Variants in MAP1A observed in about 807,000 individuals in gnomAD.
The protein encoded by MAP1A is microtubule associated protein 1A.
MAP1A carries 42 observed loss-of-function variants against 185.9 expected under a neutral mutation model. The ratio of observed to expected loss-of-function variants is 0.23; its 90% CI spans 0.18 to 0.29. The LOEUF is 0.29. MAP1A is among the 10% of genes least tolerant of loss of function. The pLI is 1.00. For missense variants in MAP1A, 2,995 were observed against 3,450.4 expected (o/e 0.87, Z 3.31); for synonymous variants, 1,229 against 1,335.9 (o/e 0.92, Z 1.74).
rs770880577 is a variant in MAP1A, at chr15:43,528,823, A to C, written c.7350A>C (p.Pro2450=). 6.8e-6 allele frequency: 11 copies of C among 1,613,344 alleles called. No individual in the cohort carries two copies. The East Asian group carries it at 2.2e-4, about 33-fold the overall frequency. ...EPRPHRGELS[P]SFLNPPLPPS... ...GGCCCCATCGTGGGGAGCTCTCCCC[A>C]TCCTTCCTGAACCCACCTCTGCCCC... The change falls in exon 4 of 6, where the codon CCA becomes CCC. Residue 2450 remains proline, a synonymous_variant. Coordinates refer to ENST00000300231, the MANE Select transcript of MAP1A (RefSeq NM_002373.6).
Position 43,525,512 on chromosome 15 carries a change from C to T in MAP1A, c.4039C>T (p.Pro1347Ser), listed in dbSNP as rs2079339218. 1.2e-6 allele frequency: 2 copies of T among 1,614,040 alleles called. No homozygotes were observed. The highest frequency in any genetic ancestry group is 8.5e-7 in the Non-Finnish European group (1 of 1,180,034). The change falls in exon 4 of 6, where the codon CCA (proline) becomes TCA (serine). Residue 1347 changes from proline (P) to serine (S), a missense_variant. By Grantham distance (74) the Pro-to-Ser change is moderately conservative. This residue lies in a region of MAP1A where 2,728 missense variants were observed against 2,986.0 expected (regional missense o/e 0.91). Coordinates refer to ENST00000300231, the MANE Select transcript of MAP1A (RefSeq NM_002373.6). ...TGCCATAAAGTGGGAAGATAAAGTT[C>T]CAGGGTTGAAAGACAGAACCTCAGA... is the stretch of plus-strand genomic sequence containing the variant. ...DIAIKWEDKV[P>S]GLKDRTSEQK...
Position 43,529,270 on chromosome 15 carries a change from A to G in MAP1A, c.7797A>G (p.Glu2599=). Residue 2599 remains glutamate, a synonymous_variant, in exon 4 of 6, where the codon GAA becomes GAG. Coordinates refer to ENST00000300231, the MANE Select transcript of MAP1A (RefSeq NM_002373.6). This position sits in a 1 kb window ranked among gnomAD's most constrained non-coding sequence, Gnocchi z 4.3. ...GAGTAGAGAGGCTACGGGAGAAGGA[A>G]AAGGTTCAGGGGCGAGTAGGGCGCA... ...SGRVERLREK[E]KVQGRVGRRA... is the part of the protein sequence containing the mutation. 5 of 1,613,760 alleles carry G rather than the reference A, an allele frequency of 3.1e-6. No individual in the cohort carries two copies. In the South Asian group the frequency reaches 5.5e-5, roughly 18 times the overall value.
Position 43,527,288 on chromosome 15 carries a change from A to G in MAP1A, c.5815A>G (p.Lys1939Glu). The change falls in exon 4 of 6, where the codon AAA (lysine) becomes GAA (glutamate). Residue 1939 changes from lysine (K) to glutamate (E), a missense_variant. By Grantham distance (56) the Lys-to-Glu change is moderately conservative. This residue lies in a region of MAP1A where 2,728 missense variants were observed against 2,986.0 expected (regional missense o/e 0.91). Coordinates refer to ENST00000300231, the MANE Select transcript of MAP1A (RefSeq NM_002373.6). Reference sequence around the variant, plus strand: ...CAGCTCAAAGGTACCAGAGGCCAGCAAAAGCCATGCCACCACGGAGCCTGA... The same window carrying G: ...CAGCTCAAAGGTACCAGAGGCCAGCGAAAGCCATGCCACCACGGAGCCTGA... ...SHSSKVPEAS[K>E]SHATTEPEQT... is the part of the protein sequence containing the mutation. The G allele has an allele frequency of 1.2e-6, 2 of 1,614,204 alleles. No individual in the cohort carries two copies. The highest frequency in any genetic ancestry group is 1.7e-6 in the Non-Finnish European group (2 of 1,180,014).
In MAP1A at chr15:43,527,739, G is replaced by A; in HGVS notation, c.6266G>A (p.Arg2089Lys). 6.2e-7 allele frequency: 1 copy of A among 1,613,270 alleles called. No individual in the cohort carries two copies. ...GNILSCSPDR[R>K]SPSPKESGRS... Reference sequence around the variant, plus strand: ...ATCCTGAGCTGCAGCCCAGATAGGAGGTCCCCATCCCCCAAGGAATCAGGC... The same window carrying A: ...ATCCTGAGCTGCAGCCCAGATAGGAAGTCCCCATCCCCCAAGGAATCAGGC... The change falls in exon 4 of 6, where the codon AGG (arginine) becomes AAG (lysine). Residue 2089 changes from arginine to lysine, a missense_variant. Around this residue, in one of 3 missense-constraint regions of MAP1A, gnomAD observed 2,728 missense variants for 2,986.0 expected, o/e 0.91. Transcript: ENST00000300231.
intron 1 of MAP1A, among the ~76,000 whole-genome samples, chr15:43,519,884 G>A (rs561190926): frequency 6.6e-6 from 1 of 152,316 alleles, no homozygotes; most frequent in South Asian, 2.1e-4. Context: ...TAGGTTGTGG[G>A]GTAGTGAATC....
At position 43,529,456 on chromosome 15, in the gene MAP1A, T is replaced by A; in HGVS notation, c.7983T>A (p.Asp2661Glu). ...AGGTCACCCCAGCAGAGGAAAAGGA[T>A]GGACACAGCCCCATGTCCAAAGGCC... is the stretch of plus-strand genomic sequence containing the variant. ...TSQVTPAEEKDGHSPMSKGLV... is the reference protein window; with the variant it reads ...TSQVTPAEEKEGHSPMSKGLV... Residue 2661 changes from aspartate to glutamate, a missense_variant, in exon 4 of 6, where the codon GAT becomes GAA. Transcript: ENST00000300231. This position sits in a 1 kb window ranked among gnomAD's most constrained non-coding sequence, Gnocchi z 4.3. 6.2e-7 allele frequency: 1 copy of A among 1,613,338 alleles called. No homozygotes were observed. The highest frequency in any genetic ancestry group is 8.5e-7 in the Non-Finnish European group (1 of 1,179,602).
In MAP1A at chr15:43,525,515, G is replaced by C. The variant is rs747199619; in HGVS notation, c.4042G>C (p.Gly1348Arg). The part of the protein sequence containing the change: ...IAIKWEDKVP[G>R]LKDRTSEQKK... ...CATAAAGTGGGAAGATAAAGTTCCA[G>C]GGTTGAAAGACAGAACCTCAGAACA... Residue 1348 changes from glycine to arginine, a missense_variant, in exon 4 of 6, where the codon GGG becomes CGG. Physicochemically the swap from Gly to Arg is moderately radical, Grantham distance 125. This residue lies in a region of MAP1A where 2,728 missense variants were observed against 2,986.0 expected (regional missense o/e 0.91). Transcript: ENST00000300231. The C allele has an allele frequency of 6.2e-7, 1 of 1,614,224 alleles. No homozygotes were observed. The highest frequency in any genetic ancestry group is 1.3e-5 in the African/African-American group (1 of 75,046).
chr15:43,521,752 C>A lies in MAP1A; in HGVS notation c.279C>A (p.Asp93Glu). The A allele has an allele frequency of 6.2e-7, 1 of 1,614,234 alleles. No individual in the cohort carries two copies. The highest frequency in any genetic ancestry group is 8.5e-7 in the Non-Finnish European group (1 of 1,180,042). ...DSVLLTHIGADNLPGINGLLQ... is the reference protein window; with the variant it reads ...DSVLLTHIGAENLPGINGLLQ... ...TGCTACTCACACACATTGGGGCAGA[C>A]AACCTGCCAGGCATCAATGGACTAC... Residue 93 changes from aspartate to glutamate, a missense_variant, in exon 4 of 6, where the codon GAC (aspartate) becomes GAA (glutamate). Asp to Glu is a conservative substitution (Grantham distance 45). Around this residue, in one of 3 missense-constraint regions of MAP1A, gnomAD observed 264 missense variants for 435.3 expected, o/e 0.61. Transcript: ENST00000300231. The surrounding 1 kb of genome is among the most constrained non-coding windows in gnomAD (Gnocchi z 4.6).
exon 1 of MAP1A, chr15:43,511,198 G>A: frequency 6.4e-7 from 1 of 1,550,564 alleles, no homozygotes; most frequent in Non-Finnish European, 8.7e-7. Context: ...AGAGTCAGCT[G>A]AGGGCCGTGC....
chr15:43,516,153 C>T (rs923748892), upstream of MAP1A, among the ~76,000 whole-genome samples: 2 of 152,120 alleles, frequency 1.3e-5, no homozygotes, highest in Admixed American at 1.3e-4. Flanking sequence ...AGGGGTATTT[C>T]CCTTTTGTGA....
At position 43,526,094 on chromosome 15, in the gene MAP1A, G is replaced by A. The variant is rs542344824; in HGVS notation, c.4621G>A (p.Asp1541Asn). 6.2e-7 allele frequency: 1 copy of A among 1,614,076 alleles called. No individual in the cohort carries two copies. Among genetic ancestry groups the A allele is most frequent in the African/African-American group, 1.3e-5 (1 of 75,036 alleles). The change falls in exon 4 of 6, where the codon GAT becomes AAT. Residue 1541 changes from aspartate to asparagine, a missense_variant. By Grantham distance (23) the Asp-to-Asn change is conservative. Coordinates refer to ENST00000300231, the MANE Select transcript of MAP1A (RefSeq NM_002373.6). This position sits in a 1 kb window ranked among gnomAD's most constrained non-coding sequence, Gnocchi z 4.7. ...GAAACACCAGGCCCAGGAACAAAAG[G>A]ATAAAGTCTCAGAAAAGAAGGATCA... ...EQKHQAQEQKDKVSEKKDQAL... is the reference protein window; with the variant it reads ...EQKHQAQEQKNKVSEKKDQAL...
At position 43,526,918 on chromosome 15, in the gene MAP1A, A is replaced by G; in HGVS notation, c.5445A>G (p.Gly1815=). Residue 1815 remains glycine, a synonymous_variant, in exon 4 of 6, where the codon GGA becomes GGG. Transcript: ENST00000300231. This position sits in a 1 kb window ranked among gnomAD's most constrained non-coding sequence, Gnocchi z 4.7. ...MVGQRVPSAP[G]QESPIPDPKL... ...GACAAAGGGTTCCTTCAGCCCCAGG[A>G]CAAGAGAGTCCTATCCCAGACCCTA... The G allele has an allele frequency of 1.2e-6, 2 of 1,614,028 alleles. No individual in the cohort carries two copies. Among genetic ancestry groups the G allele is most frequent in the African/African-American group, 1.3e-5 (1 of 74,980 alleles).
At chr15:43,520,435 G>A (rs1398137008) in intron 1 of MAP1A, among the ~76,000 whole-genome samples, 3 of 152,168 alleles carry the variant, frequency 2.0e-5, no homozygotes, top group Non-Finnish European at 4.4e-5. Flanking sequence ...AGGACAGCCA[G>A]TGTGGGAGAG....
At position 43,527,005 on chromosome 15, in the gene MAP1A, C is replaced by T. The variant is rs745769970; in HGVS notation, c.5532C>T (p.Pro1844=). The T allele has an allele frequency of 1.9e-6, 3 of 1,611,874 alleles. No individual in the cohort carries two copies. The highest frequency in any genetic ancestry group is 2.2e-5 in the South Asian group (2 of 90,670). The part of the protein sequence containing the change: ...TTPSWLADIP[P]WVPKDRPLPP... ...CCTCATGGCTGGCTGACATCCCACC[C>T]TGGGTGCCCAAGGACAGACCCCTCC... The change falls in exon 4 of 6, where the codon CCC becomes CCT. Residue 1844 remains proline, a synonymous_variant. Transcript: ENST00000300231.
At chr15:43,511,105 C>G (rs1244386414) in exon 1 of MAP1A, 3 of 1,550,296 alleles carry the variant, frequency 1.9e-6, no homozygotes, top group Non-Finnish European at 2.6e-6. Flanking sequence ...AGCTGCTGTG[C>G]GAGGCCGGAG....
In MAP1A at chr15:43,524,495, A is replaced by C; in HGVS notation, c.3022A>C (p.Thr1008Pro). 1 of 1,614,040 alleles carries C rather than the reference A, an allele frequency of 6.2e-7. No individual in the cohort carries two copies. The highest frequency in any genetic ancestry group is 8.5e-7 in the Non-Finnish European group (1 of 1,180,014). The stretch of plus-strand genomic sequence containing the variant: ...ATCTGGCCCACCCAGTGCCACCCAC[A>C]CACCCTTTCATCAGTCCCCAGTGGA... ...PPSGPPSATH[T>P]PFHQSPVEEK... The change falls in exon 4 of 6, where the codon ACA becomes CCA. Residue 1008 changes from threonine to proline, a missense_variant. Thr to Pro is a conservative substitution (Grantham distance 38). Transcript: ENST00000300231.
At chr15:43,512,249 T>C (rs1411862620) in exon 2 of MAP1A, 2 of 1,550,084 alleles carry the variant, frequency 1.3e-6, no homozygotes, top group South Asian at 1.2e-5. Flanking sequence ...GTTGAGACTC[T>C]TCATTACCCG....
At chr15:43,517,266 C>T (rs948754050), upstream of MAP1A, among the ~76,000 whole-genome samples, 5 of 152,244 alleles carry the variant, frequency 3.3e-5, 1 homozygote, top group South Asian at 6.2e-4. Context: ...CAGATGGTTT[C>T]TAAGAGAAGG....
Position 43,526,409 on chromosome 15 carries a change from G to A in MAP1A, c.4936G>A (p.Val1646Met), listed in dbSNP as rs148354195. The A allele has an allele frequency of 2.8e-4, 451 of 1,614,224 alleles. 1 individual carries two copies. Among genetic ancestry groups the A allele is most frequent in the Admixed American group, 9.8e-4 (59 of 60,028 alleles). Residue 1646 changes from valine to methionine, a missense_variant, in exon 4 of 6, where the codon GTG (valine) becomes ATG (methionine). Transcript: ENST00000300231. The surrounding 1 kb of genome is among the most constrained non-coding windows in gnomAD (Gnocchi z 4.7). ...AGAAAAGTACTGGAGGGGGCAGGAT[G>A]TGGTCCAGGAGTGGCAAGAAACATC... is the stretch of plus-strand genomic sequence containing the variant. Reference protein sequence around the residue: ...QEEKYWRGQDVVQEWQETSPT... With the variant: ...QEEKYWRGQDMVQEWQETSPT...
Sources: gnomAD v4.1 joint callset for allele counts (sites outside exome capture counted in the v4.1 genomes callset) on GRCh38, gnomAD v4.1.1 for gene constraint, gnomAD v4.1.1 regional missense constraint, Gnocchi (gnomAD v3.1) non-coding constraint, MANE v1.5 for transcripts, NCBI Gene and HGNC (gene_info 2026-07-23, HGNC 2026-07-21) for gene names.